GNA15: variants seen among roughly 807,000 people sequenced by gnomAD.
GNA15 encodes guanine nucleotide-binding protein subunit alpha-15.
GNA15 carries 23 observed loss-of-function variants against 40.1 expected under a neutral mutation model. The ratio of observed to expected loss-of-function variants is 0.57; its 90% CI spans 0.41 to 0.81. The LOEUF is 0.81. Among genes scored for constraint, GNA15 ranks in the 40% least tolerant of loss-of-function variants. GNA15 has a pLI of 0.00. For synonymous variants in GNA15, 226 were observed against 210.4 expected, an observed-to-expected ratio of 1.07 and a Z score of -0.64; for missense variants, 522 against 515.8, an observed-to-expected ratio of 1.01 and a Z score of -0.12.
Position 3,150,161 on chromosome 19 carries a change from C to G in GNA15, c.361C>G (p.Pro121Ala). The change falls in exon 3 of 7, where the codon CCC becomes GCC. Residue 121 changes from proline (P) to alanine (A), a missense_variant. Transcript: ENST00000262958. ...HHASLVMSQDPYKVTTFEKRY... is the reference protein window; with the variant it reads ...HHASLVMSQDAYKVTTFEKRY... ...CGCTAGCCTGGTCATGAGCCAGGAC[C>G]CCTATAAAGTGACCACGTTTGAGAA... The G allele has an allele frequency of 6.2e-7, 1 of 1,613,438 alleles. No individual in the cohort carries two copies. The highest frequency in any genetic ancestry group is 8.5e-7 in the Non-Finnish European group (1 of 1,179,908).
intron 4 of GNA15, chr19:3,154,995 G>T (rs1914978837): frequency 6.6e-6 from 1 of 152,170 alleles, no homozygotes; most frequent in African/African-American, 2.4e-5. Context: ...AGTCTCCAGA[G>T]CCCCCTCTCG....
At position 3,147,770 on chromosome 19, in the gene GNA15, C is replaced by T. The variant is rs1410537613; in HGVS notation, c.146-821C>T. 1.1e-4 allele frequency among the ~76,000 whole-genome samples: 16 copies of T among 150,824 alleles called. No individual in the cohort carries two copies. The South Asian group carries it at 3.3e-3, about 32-fold the overall frequency. ...GGCGTGGTGGCGGGTGCCTGTAGTC[C>T]CAGCTACTCAGAGAGGCTGAGGCAG... On this transcript the variant is annotated intron_variant, in intron 1 of 6. Coordinates refer to ENST00000262958, the MANE Select transcript of GNA15 (RefSeq NM_002068.4).
At chr19:3,152,076 A>G (rs774414278) in intron 4 of GNA15, among the ~76,000 whole-genome samples, 1 of 152,064 alleles carries the variant, frequency 6.6e-6, no homozygotes, top group Non-Finnish European at 1.5e-5. Context: ...TTCTTGGAGG[A>G]GGGAATATTA....
intron 1 of GNA15, among the ~76,000 whole-genome samples, chr19:3,144,868 A>G (rs1475736811): frequency 6.7e-6 from 1 of 150,276 alleles, no homozygotes; most frequent in East Asian, 2.0e-4. Context: ...TGGCTCTGTC[A>G]CCCAGGTTGG....
chr19:3,142,261 T>A (rs1914594039), intron 1 of GNA15: 2 of 151,968 alleles, frequency 1.3e-5, no homozygotes, highest in Non-Finnish European at 2.9e-5. Flanking sequence ...AGCTGGGGGA[T>A]GTCTGGGGGT....
At chr19:3,148,885 G>A in intron 2 of GNA15, 110 bp downstream of exon 2, 2 of 1,149,408 alleles carry the variant, frequency 1.7e-6, no homozygotes, top group East Asian at 2.6e-5. Context: ...GGGCAGGGCA[G>A]GGCAGGGCAG....
intron 1 of GNA15, among the ~76,000 whole-genome samples, chr19:3,145,297 G>A (rs1914685740): frequency 7.0e-6 from 1 of 143,008 alleles, no homozygotes; most frequent in South Asian, 2.2e-4. Flanking sequence ...AGCTTCATGA[G>A]TAGCTGTAAC....
intron 6 of GNA15, among the ~76,000 whole-genome samples, chr19:3,161,694 TC>T (rs1469694794): frequency 6.6e-6 from 1 of 152,162 alleles, no homozygotes; most frequent in Non-Finnish European, 1.5e-5. Flanking sequence ...CATCCTTGTC[TC>T]CCAGCACAAG....
At chr19:3,139,753 G>T (rs1442177225) in intron 1 of GNA15, among the ~76,000 whole-genome samples, 1 of 151,706 alleles carries the variant, frequency 6.6e-6, no homozygotes, top group Non-Finnish European at 1.5e-5. Flanking sequence ...TAAAAAATCA[G>T]GGCTGGGTGC....
chr19:3,136,483 C>G lies in GNA15; in HGVS notation c.33C>G (p.Pro11=). Residue 11 remains proline (P), a synonymous_variant, in exon 1 of 7, where the codon CCC becomes CCG. Coordinates refer to ENST00000262958, the MANE Select transcript of GNA15 (RefSeq NM_002068.4). The surrounding 1 kb of genome is among the most constrained non-coding windows in gnomAD (Gnocchi z 4.9). The stretch of plus-strand genomic sequence containing the variant: ...GCTCGCTGACCTGGCGCTGCTGCCC[C>G]TGGTGCCTGACGGAGGATGAGAAGG... MARSLTWRCC[P]WCLTEDEKAA... is the part of the protein sequence containing the mutation. 1 of 1,554,318 alleles carries G rather than the reference C, an allele frequency of 6.4e-7. No homozygotes were observed. Among genetic ancestry groups the G allele is most frequent in the Non-Finnish European group, 8.7e-7 (1 of 1,149,582 alleles).
At chr19:3,150,575 T>C (rs780299843) in intron 3 of GNA15, among the ~76,000 whole-genome samples, 7 of 152,022 alleles carry the variant, frequency 4.6e-5, no homozygotes, top group Non-Finnish European at 8.8e-5. Flanking sequence ...ACCCTATTCA[T>C]AGGGGGACTC....
chr19:3,144,372 C>T (rs1016124937), intron 1 of GNA15, among the ~76,000 whole-genome samples: 19 of 152,046 alleles, frequency 1.2e-4, no homozygotes, highest in Non-Finnish European at 2.1e-4. Context: ...TCCTACATTC[C>T]GCTGCAGGAA....
chr19:3,156,985 C>T (rs1168335467), intron 5 of GNA15, among the ~76,000 whole-genome samples: 3 of 151,924 alleles, frequency 2.0e-5, no homozygotes, highest in African/African-American at 7.3e-5. Context: ...TAACACAAGG[C>T]ATTTGAGACC....
Position 3,150,420 on chromosome 19 carries a change from C to A in GNA15, c.485+135C>A, listed in dbSNP as rs2302063. The stretch of plus-strand genomic sequence containing the variant: ...GGTGGTCCTGCTCCAGGATGAGGTC[C>A]TTCCAGGGGGACCCTAATTCCCGGG... On this transcript the variant is annotated intron_variant, in intron 3 of 6. Coordinates refer to ENST00000262958, the MANE Select transcript of GNA15 (RefSeq NM_002068.4). 338,843 of 724,222 alleles carry A rather than the reference C, an allele frequency of 0.47. 81,227 individuals carry two copies. Among genetic ancestry groups the A allele is most frequent in the African/African-American group, 0.52 (28,460 of 54,398 alleles). 44.9% of individuals were successfully genotyped at this position (724,222 alleles called of 1,614,324 possible). A position where few individuals can be genotyped will look rare whatever the true frequency, so the allele number is the denominator to read the frequency against.
chr19:3,153,981 C>T lies in GNA15; in HGVS notation c.615-1842C>T, dbSNP rs182170095. On this transcript the variant is annotated intron_variant, in intron 4 of 6. Coordinates refer to ENST00000262958, the MANE Select transcript of GNA15 (RefSeq NM_002068.4). ...TATGAGTAGATGGATAATGGGTGAA[C>T]AGATGGGTGGATGGATAGATGAGTA... 1.4e-3 allele frequency among the ~76,000 whole-genome samples: 200 copies of T among 145,464 alleles called. 2 individuals carry two copies. Among genetic ancestry groups the T allele is most frequent in the African/African-American group, 5.0e-3 (194 of 39,108 alleles).
chr19:3,160,864 C>A (rs1250310181), intron 6 of GNA15, among the ~76,000 whole-genome samples: 2 of 151,838 alleles, frequency 1.3e-5, no homozygotes, highest in African/African-American at 2.4e-5. Flanking sequence ...TCTCACCATG[C>A]CTTTATGTGT....
chr19:3,150,659 C>T (rs528406650), intron 3 of GNA15, among the ~76,000 whole-genome samples: 2 of 152,096 alleles, frequency 1.3e-5, no homozygotes, highest in South Asian at 4.1e-4. Flanking sequence ...GTATCCTGTT[C>T]CTAGAGTGAC....
intron 4 of GNA15, among the ~76,000 whole-genome samples, chr19:3,154,172 G>GATGA: frequency 9.5e-6 from 1 of 105,344 alleles, no homozygotes; most frequent in Non-Finnish European, 2.3e-5. Context: ...GGGATGGATG[G>GATGA]ATGGATGGAT....
At chr19:3,141,500 A>G (rs1022944098) in intron 1 of GNA15, 3 of 152,030 alleles carry the variant, frequency 2.0e-5, no homozygotes, top group Admixed American at 1.3e-4. Flanking sequence ...GGTTCAAGCA[A>G]TCCTCTTGCC....
Sources: allele counts gnomAD v4.1 joint callset (sites outside exome capture counted in the v4.1 genomes callset), GRCh38; gene constraint gnomAD v4.1.1; non-coding constraint Gnocchi (gnomAD v3.1); transcripts MANE v1.5; gene names NCBI Gene and HGNC (gene_info 2026-07-23, HGNC 2026-07-21).